FBXO7: variants seen among roughly 807,000 people sequenced by gnomAD.
FBXO7 encodes F-box protein 7, also known as F-box only protein 7.
Under a neutral mutation model 50.2 loss-of-function variants are expected in FBXO7, and 31 were observed. The observed-to-expected ratio is 0.62, with a 90% CI of 0.46 to 0.83. The LOEUF (loss-of-function observed/expected upper bound fraction) is 0.83, where lower values mean the gene tolerates loss of function less well. Among genes scored for constraint, FBXO7 ranks in the 40% least tolerant of loss-of-function variants. The pLI, the probability that FBXO7 is intolerant of heterozygous loss-of-function variation, is 0.00. For missense variants in FBXO7, 667 were observed against 646.6 expected, an observed-to-expected ratio of 1.03 and a Z score of -0.34; for synonymous variants, 256 against 253.1, an observed-to-expected ratio of 1.01 and a Z score of -0.11.
intron 5 of FBXO7, chr22:32,489,518 GA>G (rs754908297): frequency 1.3e-5 from 2 of 152,152 alleles, no homozygotes; most frequent in Non-Finnish European, 2.9e-5. Context: ...TATAGATCAG[GA>G]AACAGATCTA....
At position 32,498,585 on chromosome 22, in the gene FBXO7, A is replaced by T. The variant is rs1033867049; in HGVS notation, c.*55A>T. Reference sequence around the variant, plus strand: ...ATTTGTTTTTGTTTCTAAACTACAGATGTCAACTCCTTGGGGTGCTGATCT... The same window carrying T: ...ATTTGTTTTTGTTTCTAAACTACAGTTGTCAACTCCTTGGGGTGCTGATCT... On this transcript the variant is annotated 3_prime_UTR_variant, in exon 9 of 9. Transcript: ENST00000266087. 46 of 1,562,538 alleles carry T rather than the reference A, an allele frequency of 2.9e-5. No individual in the cohort carries two copies. Among genetic ancestry groups the T allele is most frequent in the Middle Eastern group, 1.8e-4 (1 of 5,688 alleles).
chr22:32,479,320 C>T (rs755190026), intron 2 of FBXO7, 45 bp downstream of exon 2: 2 of 1,535,378 alleles, frequency 1.3e-6, no homozygotes, highest in African/African-American at 1.4e-5. Flanking sequence ...GGTGATAAGT[C>T]ATATTGAACA....
chr22:32,497,918 C>T lies in FBXO7; in HGVS notation c.1183-226C>T, dbSNP rs5754115. Among the ~76,000 whole-genome samples the T allele has an allele frequency of 0.64, 97,483 of 152,094 alleles. 31,516 individuals are homozygous for T. The highest frequency in any genetic ancestry group is 0.72 in the African/African-American group (29,759 of 41,498). ...GGTATGTACATTGTCTTTTTAGATA[C>T]AATGCTATTGCACACTTACTATAGT... is the stretch of plus-strand genomic sequence containing the variant. On this transcript the variant is annotated intron_variant, in intron 8 of 8. Transcript: ENST00000266087.
At chr22:32,482,293 A>G (rs2057469684) in intron 2 of FBXO7, among the ~76,000 whole-genome samples, 1 of 152,162 alleles carries the variant, frequency 6.6e-6, no homozygotes, top group South Asian at 2.1e-4. Context: ...CTTTTCCATA[A>G]GCCCTAGGGC....
rs183773931 is a variant in FBXO7 at position 32,482,573 on chromosome 22, G to A, written c.418-1324G>A. Among the ~76,000 whole-genome samples, 5 of 152,142 alleles carry A rather than the reference G, an allele frequency of 3.3e-5. No individual in the cohort carries two copies. In the East Asian group the frequency reaches 7.7e-4, roughly 23 times the overall value. ...ACTGCAAGTTTAGAGATCTGGGTTC[G>A]TTTCAAATTTTTATTAGCTGGTAAC... On this transcript the variant is annotated intron_variant, in intron 2 of 8. Transcript: ENST00000266087.
chr22:32,487,866 T>C lies in FBXO7; in HGVS notation c.871+38T>C, dbSNP rs200562920. On this transcript the variant is annotated intron_variant, in intron 5 of 8. Transcript: ENST00000266087. Reference sequence around the variant, plus strand: ...TTATTTAACTTTTGGGGTGAAACTCTGTGAAATTCATATAAGAAAAAAATC... The same window carrying C: ...TTATTTAACTTTTGGGGTGAAACTCCGTGAAATTCATATAAGAAAAAAATC... 241 of 1,287,580 alleles carry C rather than the reference T, an allele frequency of 1.9e-4. 1 individual carries two copies. Among genetic ancestry groups the C allele is most frequent in the Admixed American group, 1.1e-3 (61 of 57,698 alleles). 79.8% of individuals were successfully genotyped at this position (1,287,580 alleles called of 1,614,324 possible).
At chr22:32,489,147 T>C (rs1428432096) in intron 5 of FBXO7, 1 of 152,208 alleles carries the variant, frequency 6.6e-6, no homozygotes. Context: ...CCAGAGTTTC[T>C]CAATCTTTTT....
chr22:32,488,900 T>A (rs2057516583), intron 5 of FBXO7: 1 of 152,152 alleles, frequency 6.6e-6, no homozygotes, highest in Non-Finnish European at 1.5e-5. Context: ...AACTTCCACC[T>A]CCTGGGTTCA....
chr22:32,477,374 T>C (rs2057435805), intron 1 of FBXO7, among the ~76,000 whole-genome samples: 2 of 152,238 alleles, frequency 1.3e-5, no homozygotes, highest in Non-Finnish European at 2.9e-5. Flanking sequence ...GAAATTAGCA[T>C]TGCTGAGTGT....
In FBXO7 at chr22:32,491,542, T is replaced by C. The variant is rs1054773244; in HGVS notation, c.967+361T>C. 12 of 174,600 alleles carry C rather than the reference T, an allele frequency of 6.9e-5. 1 individual carries two copies. In the South Asian group the frequency reaches 1.2e-3, roughly 18 times the overall value. 10.8% of individuals were successfully genotyped at this position (174,600 alleles called of 1,614,324 possible). A position where few individuals can be genotyped will look rare whatever the true frequency, so the allele number is the denominator to read the frequency against. ...CTCTTTCTCTCTGTGTAGATACATATATATATGTCTATATAGACATATATT... is the reference window on the plus strand; with the variant it reads ...CTCTTTCTCTCTGTGTAGATACATACATATATGTCTATATAGACATATATT... On this transcript the variant is annotated intron_variant, in intron 6 of 8. Coordinates refer to ENST00000266087, the MANE Select transcript of FBXO7 (RefSeq NM_012179.4).
intron 4 of FBXO7, among the ~76,000 whole-genome samples, chr22:32,485,864 C>T (rs768846239): frequency 6.6e-6 from 1 of 152,188 alleles, no homozygotes; most frequent in Non-Finnish European, 1.5e-5. Context: ...CATATCAACT[C>T]CTAGTGTTCT....
At chr22:32,491,213 G>T in intron 6 of FBXO7, 32 bp downstream of exon 6, 2 of 1,419,786 alleles carry the variant, frequency 1.4e-6, no homozygotes, top group South Asian at 1.2e-5. Context: ...CAATTTAAAT[G>T]ACTGTAAAGA....
Position 32,498,712 on chromosome 22 carries a change from T to C in FBXO7, c.*182T>C. 1 of 696,330 alleles carries C rather than the reference T, an allele frequency of 1.4e-6. No homozygotes were observed. The highest frequency in any genetic ancestry group is 2.4e-6 in the Non-Finnish European group (1 of 418,800). 43.1% of individuals were successfully genotyped at this position (696,330 alleles called of 1,614,324 possible). Reference sequence around the variant, plus strand: ...GGGTGGTATGACCCAAAGGTTCCTCTGTGACAAGGTTGGCCTTGGGAATAG... The same window carrying C: ...GGGTGGTATGACCCAAAGGTTCCTCCGTGACAAGGTTGGCCTTGGGAATAG... On this transcript the variant is annotated 3_prime_UTR_variant, in exon 9 of 9. Transcript: ENST00000266087.
At position 32,493,331 on chromosome 22, in the gene FBXO7, T is replaced by C. The variant is rs538232061; in HGVS notation, c.1144+50T>C. 5 of 1,523,878 alleles carry C rather than the reference T, an allele frequency of 3.3e-6. No homozygotes were observed. The African/African-American group carries it at 6.8e-5, about 21-fold the overall frequency. The allele number at this position is 1,523,878 out of a possible 1,614,324, so 94.4% of individuals were successfully genotyped here. On this transcript the variant is annotated intron_variant, in intron 7 of 8. Transcript: ENST00000266087. Reference sequence around the variant, plus strand: ...CAAGAAAGGGCTCTTATTGTCTTGATTACTCAGCTCACCAAAAGTTTTTAG... The same window carrying C: ...CAAGAAAGGGCTCTTATTGTCTTGACTACTCAGCTCACCAAAAGTTTTTAG...
At chr22:32,477,697 G>T (rs2057437632) in intron 1 of FBXO7, among the ~76,000 whole-genome samples, 2 of 152,142 alleles carry the variant, frequency 1.3e-5, no homozygotes, top group Non-Finnish European at 2.9e-5. Flanking sequence ...TGAATATATG[G>T]ATCTGGTTTT....
In FBXO7 at chr22:32,498,763, G is replaced by C; in HGVS notation, c.*233G>C. 1 of 578,632 alleles carries C rather than the reference G, an allele frequency of 1.7e-6. No homozygotes were observed. Among genetic ancestry groups the C allele is most frequent in the Non-Finnish European group, 3.1e-6 (1 of 325,308 alleles). 35.8% of individuals were successfully genotyped at this position (578,632 alleles called of 1,614,324 possible). On this transcript the variant is annotated 3_prime_UTR_variant, in exon 9 of 9. Coordinates refer to ENST00000266087, the MANE Select transcript of FBXO7 (RefSeq NM_012179.4). Reference sequence around the variant, plus strand: ...TTGGCTGCCAATCTCCCTGCTCTTGGTTCTCCTCTAGATTGAAGTTTGTTT... The same window carrying C: ...TTGGCTGCCAATCTCCCTGCTCTTGCTTCTCCTCTAGATTGAAGTTTGTTT...
chr22:32,475,072 G>C lies in FBXO7; in HGVS notation c.70G>C (p.Gly24Arg). The stretch of plus-strand genomic sequence containing the variant: ...GGTGCCCGAGACGGAGCCGACGCTG[G>C]GGCATTTGCGCTCGCACCTGAGGCA... ...LEVPETEPTL[G>R]HLRSHLRQSL... Residue 24 changes from glycine to arginine, a missense_variant, in exon 1 of 9, where the codon GGG becomes CGG. By Grantham distance (125) the Gly-to-Arg change is moderately radical (BLOSUM62 -2). Coordinates refer to ENST00000266087, the MANE Select transcript of FBXO7 (RefSeq NM_012179.4). 1 of 1,546,424 alleles carries C rather than the reference G, an allele frequency of 6.5e-7. No homozygotes were observed. The highest frequency in any genetic ancestry group is 8.7e-7 in the Non-Finnish European group (1 of 1,146,134).
intron 5 of FBXO7, chr22:32,489,234 T>C (rs532388774): frequency 2.0e-5 from 3 of 152,282 alleles, no homozygotes; most frequent in African/African-American, 7.2e-5. Flanking sequence ...ACCACAAATA[T>C]AGTATGTTTT....
intron 5 of FBXO7, chr22:32,490,055 A>T (rs1165444281): frequency 6.6e-6 from 1 of 152,246 alleles, no homozygotes; most frequent in Non-Finnish European, 1.5e-5. Flanking sequence ...TTTAGACATT[A>T]GCTGCATATC....
Sources: allele counts gnomAD v4.1 joint callset (sites outside exome capture counted in the v4.1 genomes callset), GRCh38; gene constraint gnomAD v4.1.1; transcripts MANE v1.5; gene names NCBI Gene and HGNC (gene_info 2026-07-23, HGNC 2026-07-21).